The following MAD1L1 variants were observed in gnomAD, a reference collection of about 807,000 sequenced individuals.
The protein encoded by MAD1L1 is mitotic spindle assembly checkpoint protein MAD1.
In MAD1L1, 95 loss-of-function variants were observed where a neutral mutation model predicts 96.9. That is an observed-to-expected ratio of 0.98 (90% CI 0.83 to 1.16). The LOEUF is 1.16. Among genes scored for constraint, MAD1L1 ranks in the 50% most tolerant of loss-of-function variants. The pLI is 0.00. For missense variants in MAD1L1, 1,007 were observed against 954.4 expected (o/e 1.06, Z -0.73); for synonymous variants, 473 against 396.6 (o/e 1.19, Z -2.29).
At chr7:1,936,035 G>T (rs1259858110) in intron 17 of MAD1L1, among the ~76,000 whole-genome samples, 1 of 152,240 alleles carries the variant, frequency 6.6e-6, no homozygotes, top group Non-Finnish European at 1.5e-5. Context: ...GAGCCCCACA[G>T]CCTCGCTGGG....
At chr7:1,933,114 T>G (rs1207820169) in intron 17 of MAD1L1, among the ~76,000 whole-genome samples, 1 of 152,170 alleles carries the variant, frequency 6.6e-6, no homozygotes, top group Non-Finnish European at 1.5e-5. Context: ...TGACGCTGTG[T>G]TTCTCTGCGT....
chr7:1,942,074 G>A (rs1779027917), intron 16 of MAD1L1, among the ~76,000 whole-genome samples: 2 of 152,158 alleles, frequency 1.3e-5, no homozygotes, highest in South Asian at 4.2e-4. Context: ...GTTCGTTCCT[G>A]CCATCCTTCC....
chr7:1,996,782 G>C (rs1481269844), intron 14 of MAD1L1, among the ~76,000 whole-genome samples: 1 of 152,110 alleles, frequency 6.6e-6, no homozygotes, highest in Non-Finnish European at 1.5e-5. Context: ...AATCAGAGCT[G>C]AGAGCGGCGT....
chr7:2,083,525 G>A (rs986292607), intron 11 of MAD1L1, among the ~76,000 whole-genome samples: 1 of 152,246 alleles, frequency 6.6e-6, no homozygotes, highest in African/African-American at 2.4e-5. Context: ...ACTCGGGCAG[G>A]TAAATCAGCG....
At chr7:1,996,859 A>G (rs1781583966) in intron 14 of MAD1L1, among the ~76,000 whole-genome samples, 1 of 81,018 alleles carries the variant, frequency 1.2e-5, no homozygotes, top group Non-Finnish European at 3.1e-5. Context: ...ATATTAGAGG[A>G]TATTTTAGAG....
At chr7:2,013,820 G>A (rs1408441449) in intron 13 of MAD1L1, among the ~76,000 whole-genome samples, 3 of 151,448 alleles carry the variant, frequency 2.0e-5, no homozygotes, top group East Asian at 1.9e-4. Flanking sequence ...GAGTGTGGAC[G>A]TGGCCTCCGC....
At chr7:1,994,144 G>C (rs1053267765) in intron 14 of MAD1L1, among the ~76,000 whole-genome samples, 2 of 152,212 alleles carry the variant, frequency 1.3e-5, no homozygotes, top group African/African-American at 2.4e-5. Context: ...GATCACAGGG[G>C]GATAATCTGT....
intron 18 of MAD1L1, chr7:1,847,636 C>T (rs1475401686): frequency 2.1e-6 from 1 of 470,950 alleles, no homozygotes; most frequent in Non-Finnish European, 4.4e-6. Flanking sequence ...CTCGCCCCCT[C>T]CAGCAGCTGC....
intron 11 of MAD1L1, among the ~76,000 whole-genome samples, chr7:2,135,083 G>A (rs577221828): frequency 1.3e-5 from 2 of 152,324 alleles, no homozygotes; most frequent in South Asian, 2.1e-4. Flanking sequence ...AGAATTTTGA[G>A]CAAACACTAC....
chr7:2,056,711 A>C (rs192713257), intron 12 of MAD1L1, among the ~76,000 whole-genome samples: 90 of 152,284 alleles, frequency 5.9e-4, no homozygotes, highest in African/African-American at 2.1e-3. Flanking sequence ...CAACACTAGA[A>C]CCAGGACAAG....
intron 13 of MAD1L1, among the ~76,000 whole-genome samples, chr7:2,002,707 T>C (rs186051095): frequency 2.6e-5 from 4 of 151,960 alleles, no homozygotes; most frequent in Non-Finnish European, 2.9e-5. Context: ...AAGCCAGCAA[T>C]GAAAAGCCAG....
chr7:2,041,455 C>A (rs11982349), intron 12 of MAD1L1, among the ~76,000 whole-genome samples: 5,798 of 152,276 alleles, frequency 0.038, 399 homozygotes, highest in African/African-American at 0.13. Context: ...ATTCATGCTA[C>A]CCAACCCTCT....
chr7:2,029,328 T>C (rs1353051971), intron 12 of MAD1L1, among the ~76,000 whole-genome samples: 1 of 152,166 alleles, frequency 6.6e-6, no homozygotes, highest in African/African-American at 2.4e-5. Flanking sequence ...GATTACACGC[T>C]GCATGGCTCC....
At chr7:1,984,768 G>A (rs561857719) in intron 14 of MAD1L1, among the ~76,000 whole-genome samples, 1 of 152,338 alleles carries the variant, frequency 6.6e-6, no homozygotes, top group South Asian at 2.1e-4. Context: ...CCTTTTAATA[G>A]GAGAGTTTAG....
At chr7:1,974,402 G>A (rs1780537623) in intron 15 of MAD1L1, among the ~76,000 whole-genome samples, 2 of 152,084 alleles carry the variant, frequency 1.3e-5, no homozygotes, top group Admixed American at 6.5e-5. Context: ...CAGAGAACAG[G>A]GTTCACTAGG....
At chr7:2,144,723 G>A (rs1302051231) in intron 11 of MAD1L1, among the ~76,000 whole-genome samples, 1 of 152,006 alleles carries the variant, frequency 6.6e-6, no homozygotes, top group African/African-American at 2.4e-5. Flanking sequence ...GGGGTGCCCT[G>A]TGTGAAGCGT....
chr7:2,115,651 G>A (rs1195011346), intron 11 of MAD1L1, among the ~76,000 whole-genome samples: 4 of 152,238 alleles, frequency 2.6e-5, no homozygotes, highest in East Asian at 1.9e-4. Flanking sequence ...TCCACATGGC[G>A]TGTCAATGCC....
At chr7:2,158,267 G>A (rs953136496) in intron 10 of MAD1L1, among the ~76,000 whole-genome samples, 3 of 152,236 alleles carry the variant, frequency 2.0e-5, no homozygotes, top group Non-Finnish European at 2.9e-5. Flanking sequence ...CCAAGCCACA[G>A]CTATTTTGGG....
In MAD1L1 at chr7:1,821,735, A is replaced by G. The variant is rs184164836; in HGVS notation, c.1999-5507T>C. Among the ~76,000 whole-genome samples the G allele has an allele frequency of 4.1e-4, 62 of 152,334 alleles. 1 individual carries two copies. The highest frequency in any genetic ancestry group is 1.4e-3 in the Admixed American group (22 of 15,300). ...AAGCATTTGAAAAAATTTAATCTCC[A>G]TTCCTGACAAGAACTCTTGCAAAGC... is the stretch of plus-strand genomic sequence containing the variant. On this transcript the variant is annotated intron_variant, in intron 18 of 18. Transcript: ENST00000265854.
Sources: gnomAD v4.1 joint callset for allele counts (sites outside exome capture counted in the v4.1 genomes callset) on GRCh38, gnomAD v4.1.1 for gene constraint, MANE v1.5 for transcripts, NCBI Gene and HGNC (gene_info 2026-07-23, HGNC 2026-07-21) for gene names.